ARPC1B: variants seen among roughly 807,000 people sequenced by gnomAD.
ARPC1B encodes actin related protein 2/3 complex subunit 1B.
A neutral mutation model predicts 46.0 loss-of-function variants in ARPC1B; 29 were observed. That is an observed-to-expected ratio of 0.63 (90% CI 0.47 to 0.86). ARPC1B has a LOEUF of 0.86. Ranked by LOEUF, ARPC1B falls within the 40% of genes least tolerant of loss-of-function variation. The pLI, the probability that ARPC1B is intolerant of heterozygous loss-of-function variation, is 0.00. For missense variants in ARPC1B, 469 were observed against 529.4 expected, an observed-to-expected ratio of 0.89 and a Z score of 1.12; for synonymous variants, 201 against 213.9, an observed-to-expected ratio of 0.94 and a Z score of 0.53.
chr7:99,394,260 T>C, intron 9 of ARPC1B, 141 bp downstream of exon 9: 3 of 1,127,082 alleles, frequency 2.7e-6, no homozygotes, highest in Non-Finnish European at 3.9e-6. Flanking sequence ...GGCGGCCCCT[T>C]GACATCTGGG....
chr7:99,391,398 C>A, intron 7 of ARPC1B, 145 bp downstream of exon 7: 1 of 893,220 alleles, frequency 1.1e-6, no homozygotes, highest in Non-Finnish European at 1.7e-6. Context: ...TTGGGCAGAA[C>A]AGGTTGGGTT....
At chr7:99,383,600 C>G (rs116290779) in intron 1 of ARPC1B, among the ~76,000 whole-genome samples, 1 of 152,134 alleles carries the variant, frequency 6.6e-6, no homozygotes, top group Non-Finnish European at 1.5e-5. Context: ...TACGAAGTGC[C>G]GGACCGTGGA....
intron 3 of ARPC1B, among the ~76,000 whole-genome samples, chr7:99,387,758 A>ACT (rs1562815216): frequency 6.9e-6 from 1 of 145,330 alleles, no homozygotes. Context: ...AAAAAAAAAA[A>ACT]GATTGGTGGT....
At chr7:99,378,112 T>G (rs1794081996) in intron 1 of ARPC1B, among the ~76,000 whole-genome samples, 1 of 152,028 alleles carries the variant, frequency 6.6e-6, no homozygotes, top group Non-Finnish European at 1.5e-5. Flanking sequence ...CAGGCTGGAG[T>G]ACAGTGACGA....
intron 1 of ARPC1B, among the ~76,000 whole-genome samples, chr7:99,384,534 A>G (rs1227268391): frequency 6.6e-6 from 1 of 152,028 alleles, no homozygotes; most frequent in Non-Finnish European, 1.5e-5. Context: ...GGCCACAGAG[A>G]GAGACCCTGT....
rs147823473 is a variant in ARPC1B at position 99,381,614 on chromosome 7, G to T, written c.-13-4088G>T. ...CCCGTGCATGTACACATGTGCATGT[G>T]TGTGTGTCCTGTGCTGCTCCAGGAA... On this transcript the variant is annotated intron_variant, in intron 1 of 9. Transcript: ENST00000646101. 7.5e-4 allele frequency among the ~76,000 whole-genome samples: 115 copies of T among 152,346 alleles called. 2 individuals are homozygous for T. The East Asian group carries it at 0.011, about 15-fold the overall frequency.
chr7:99,393,734 GC>G (rs1794661773), intron 8 of ARPC1B, among the ~76,000 whole-genome samples: 1 of 152,130 alleles, frequency 6.6e-6, no homozygotes. Flanking sequence ...GTCCCTGGCT[GC>G]CCCCACCCCC....
chr7:99,393,979 G>A, intron 8 of ARPC1B, 50 bp from the exon 9 acceptor site: 1 of 1,595,840 alleles, frequency 6.3e-7, no homozygotes, highest in Non-Finnish European at 8.6e-7. Flanking sequence ...GTGGGCCTGA[G>A]CCCAGCGCCA....
At chr7:99,374,701 G>T (rs912481005), upstream of ARPC1B, 1 of 151,666 alleles carries the variant, frequency 6.6e-6, no homozygotes, top group African/African-American at 2.4e-5. The surrounding 1 kb of genome is among the most constrained non-coding windows in gnomAD (Gnocchi z 5.0). Context: ...CGCCCACGAG[G>T]AAGTGGCTGC....
intron 1 of ARPC1B, among the ~76,000 whole-genome samples, chr7:99,378,115 A>G (rs1794082079): frequency 6.6e-6 from 1 of 152,082 alleles, no homozygotes; most frequent in East Asian, 1.9e-4. Context: ...GCTGGAGTAC[A>G]GTGACGAGAT....
chr7:99,384,366 C>A (rs1794314859), intron 1 of ARPC1B, among the ~76,000 whole-genome samples: 1 of 152,172 alleles, frequency 6.6e-6, no homozygotes. Context: ...GAGGGAAGAT[C>A]TCTTGAGCCT....
intron 4 of ARPC1B, chr7:99,388,792 C>T (rs1473531114): frequency 6.5e-6 from 1 of 153,674 alleles, no homozygotes; most frequent in Non-Finnish European, 1.4e-5. Flanking sequence ...GCTACCATGC[C>T]CGGATAATTT....
In ARPC1B at chr7:99,388,152, A is replaced by C; in HGVS notation, c.283A>C (p.Ile95Leu). The C allele has an allele frequency of 6.2e-7, 1 of 1,614,162 alleles. No homozygotes were observed. The highest frequency in any genetic ancestry group is 1.3e-5 in the African/African-American group (1 of 75,052). ...TWKPTLVILR[I>L]NRAARCVRWA... ...GAAGCCCACGCTGGTCATCCTGCGGATCAACCGGGCTGCCCGCTGCGTGCG... is the reference window on the plus strand; with the variant it reads ...GAAGCCCACGCTGGTCATCCTGCGGCTCAACCGGGCTGCCCGCTGCGTGCG... The change falls in exon 4 of 10, where the codon ATC (isoleucine) becomes CTC (leucine). Residue 95 changes from isoleucine to leucine, a missense_variant. Physicochemically the swap from Ile to Leu is conservative, Grantham distance 5. Transcript: ENST00000646101.
chr7:99,389,855 G>A (rs781328674), intron 4 of ARPC1B, 50 bp from the exon 5 acceptor site: 91 of 1,505,242 alleles, frequency 6.0e-5, no homozygotes, highest in Non-Finnish European at 7.5e-5. Flanking sequence ...AGGTCCATGA[G>A]TCCCACCTGC....
chr7:99,387,956 T>C lies in ARPC1B; in HGVS notation c.170-83T>C, dbSNP rs1794446046. 15 of 919,420 alleles carry C rather than the reference T, an allele frequency of 1.6e-5. No homozygotes were observed. The South Asian group carries it at 2.2e-4, about 14-fold the overall frequency. The allele number at this position is 919,420 out of a possible 1,614,324, so 57.0% of individuals were successfully genotyped here. On this transcript the variant is annotated intron_variant, in intron 3 of 9. Coordinates refer to ENST00000646101, the MANE Select transcript of ARPC1B (RefSeq NM_005720.4). ...ACAGCTTCCACCTGGATGGTGGCCT[T>C]TCAGCCTCTCCCATGTGGCCACCAT...
intron 5 of ARPC1B, among the ~76,000 whole-genome samples, chr7:99,390,393 G>A (rs562058807): frequency 6.6e-6 from 1 of 150,774 alleles, no homozygotes; most frequent in African/African-American, 2.4e-5. Context: ...TTTGGAGACG[G>A]ACTCTCGCTC....
At chr7:99,391,818 A>C (rs1794580677) in intron 7 of ARPC1B, among the ~76,000 whole-genome samples, 1 of 151,574 alleles carries the variant, frequency 6.6e-6, no homozygotes, top group Admixed American at 6.6e-5. Flanking sequence ...TTGGGAGGCC[A>C]AGGAGGGCAG....
intron 1 of ARPC1B, among the ~76,000 whole-genome samples, chr7:99,382,402 G>GAAAA (rs112909636): frequency 3.2e-5 from 3 of 93,362 alleles, no homozygotes; most frequent in Admixed American, 1.2e-4. Context: ...ACTTCATCTC[G>GAAAA]AAAAAAAAAA....
chr7:99,388,364 C>A, intron 4 of ARPC1B, 103 bp downstream of exon 4: 1 of 1,157,550 alleles, frequency 8.6e-7, no homozygotes, highest in Non-Finnish European at 1.2e-6. Context: ...CTGTTCCCAT[C>A]ACCCTGGGGG....
Sources: gnomAD v4.1 joint callset for allele counts (sites outside exome capture counted in the v4.1 genomes callset) on GRCh38, gnomAD v4.1.1 for gene constraint, Gnocchi (gnomAD v3.1) non-coding constraint, MANE v1.5 for transcripts, NCBI Gene and HGNC (gene_info 2026-07-23, HGNC 2026-07-21) for gene names.